The following TRAPPC9 variants were observed in gnomAD, a reference collection of about 807,000 sequenced individuals.
TRAPPC9 encodes the protein IKK2 binding protein.
TRAPPC9 carries 83 observed loss-of-function variants against 124.0 expected under a neutral mutation model. The observed-to-expected ratio is 0.67, with a 90% CI of 0.56 to 0.80. The LOEUF (loss-of-function observed/expected upper bound fraction) is 0.80. Ranked by LOEUF, TRAPPC9 falls within the 30% of genes least tolerant of loss-of-function variation. The pLI is 0.00. For missense variants in TRAPPC9, 1,302 were observed against 1,508.3 expected (o/e 0.86, Z 2.27); for synonymous variants, 638 against 617.5 (o/e 1.03, Z -0.49).
At chr8:139,945,772 T>C (rs1231642931) in intron 19 of TRAPPC9, among the ~76,000 whole-genome samples, 2 of 152,124 alleles carry the variant, frequency 1.3e-5, no homozygotes, top group East Asian at 3.9e-4. Context: ...TGATACAGAG[T>C]ACACATTCGA....
At position 140,182,728 on chromosome 8, in the gene TRAPPC9, T is replaced by G. The variant is rs1006138461; in HGVS notation, c.2556+38731A>C. The stretch of plus-strand genomic sequence containing the variant: ...TTCTAAAAATACAGCCTCTTGGCAA[T>G]CATGACCCTCTTGACCTGGCCTTGA... On this transcript the variant is annotated intron_variant, in intron 17 of 22. Coordinates refer to ENST00000438773, the MANE Select transcript of TRAPPC9 (RefSeq NM_001160372.4). This position sits in a 1 kb window ranked among gnomAD's most constrained non-coding sequence, Gnocchi z 4.0. 5.3e-5 allele frequency among the ~76,000 whole-genome samples: 8 copies of G among 152,160 alleles called. No homozygotes were observed. The highest frequency in any genetic ancestry group is 1.7e-4 in the African/African-American group (7 of 41,434).
intron 10 of TRAPPC9, among the ~76,000 whole-genome samples, chr8:140,303,484 A>C (rs909019127): frequency 6.6e-6 from 1 of 152,226 alleles, no homozygotes; most frequent in Non-Finnish European, 1.5e-5. Context: ...AATTCCATAG[A>C]TAAGGAAAAA....
chr8:139,987,715 G>C (rs1053728203), intron 19 of TRAPPC9, among the ~76,000 whole-genome samples: 2 of 152,176 alleles, frequency 1.3e-5, no homozygotes, highest in African/African-American at 4.8e-5. Flanking sequence ...CCTAGAACCG[G>C]GCTGGGCTTG....
At chr8:140,129,005 T>TATATATATATTA (rs1563783126) in intron 17 of TRAPPC9, among the ~76,000 whole-genome samples, 1 of 134,754 alleles carries the variant, frequency 7.4e-6, no homozygotes, top group Non-Finnish European at 1.6e-5. Flanking sequence ...ATATATATAT[T>TATATATATATTA]AAAAAAAAAA....
chr8:140,269,181 T>A (rs768481480), intron 15 of TRAPPC9, among the ~76,000 whole-genome samples: 103 of 152,140 alleles, frequency 6.8e-4, no homozygotes, highest in Non-Finnish European at 8.8e-4. Context: ...ATGGTACATG[T>A]GCTACAGCAT....
intron 17 of TRAPPC9, among the ~76,000 whole-genome samples, chr8:140,119,109 A>G (rs1412543040): frequency 6.6e-6 from 1 of 152,254 alleles, no homozygotes; most frequent in African/African-American, 2.4e-5. Context: ...TCACAGCAAG[A>G]TAAGGCAAGG....
At chr8:139,849,625 C>G (rs139517262) in intron 21 of TRAPPC9, among the ~76,000 whole-genome samples, 1 of 152,210 alleles carries the variant, frequency 6.6e-6, no homozygotes, top group African/African-American at 2.4e-5. Context: ...TTCAATAATG[C>G]GCCATATGGT....
Position 139,869,561 on chromosome 8 carries a change from T to C in TRAPPC9, c.3055+16318A>G, listed in dbSNP as rs79537254. Among the ~76,000 whole-genome samples the C allele has an allele frequency of 8.8e-3, 1,338 of 152,320 alleles. 23 individuals carry two copies. Among genetic ancestry groups the C allele is most frequent in the African/African-American group, 0.031 (1,270 of 41,564 alleles). On this transcript the variant is annotated intron_variant, in intron 21 of 22. Transcript: ENST00000438773. ...CAAATAAGAAAGGATCTTAAAGAAC[T>C]ACCCCGTATCATTAATAAAGTAGAG...
At chr8:139,979,331 C>T (rs933397167) in intron 19 of TRAPPC9, among the ~76,000 whole-genome samples, 2 of 152,150 alleles carry the variant, frequency 1.3e-5, no homozygotes, top group African/African-American at 2.4e-5. Context: ...GACGCTGCCA[C>T]GGAGCTTCCC....
intron 21 of TRAPPC9, among the ~76,000 whole-genome samples, chr8:139,837,017 AGACCTGGAACAAGGAACAG>A (rs1044577984): frequency 6.6e-6 from 1 of 152,168 alleles, no homozygotes; most frequent in African/African-American, 2.4e-5. Context: ...CTTGCTTGTG[AGACCTGGAACAAGGAACAG>A]GACCTGTACA....
At chr8:140,128,969 T>TAAA (rs139243477) in intron 17 of TRAPPC9, among the ~76,000 whole-genome samples, 1 of 141,258 alleles carries the variant, frequency 7.1e-6, no homozygotes, top group African/African-American at 2.6e-5. Context: ...TAAACTATAA[T>TAAA]AAAATATATA....
At chr8:139,852,948 C>G (rs1451128458) in intron 21 of TRAPPC9, among the ~76,000 whole-genome samples, 1 of 152,198 alleles carries the variant, frequency 6.6e-6, no homozygotes, top group African/African-American at 2.4e-5. Context: ...TTCTGGCCTG[C>G]CCCCTGTCTG....
intron 16 of TRAPPC9, among the ~76,000 whole-genome samples, chr8:140,236,291 C>T (rs1429585674): frequency 1.3e-5 from 2 of 152,148 alleles, no homozygotes; most frequent in Non-Finnish European, 2.9e-5. Context: ...CCATGTTGGC[C>T]AGGCTGGTCT....
intron 19 of TRAPPC9, among the ~76,000 whole-genome samples, chr8:139,959,637 G>A (rs1835243090): frequency 6.6e-6 from 1 of 152,190 alleles, no homozygotes; most frequent in African/African-American, 2.4e-5. Context: ...GGAACAAATG[G>A]AAGCAGAACA....
intron 6 of TRAPPC9, among the ~76,000 whole-genome samples, chr8:140,404,829 T>A (rs2069423558): frequency 6.6e-6 from 1 of 152,062 alleles, no homozygotes. Context: ...TGCATGTGTG[T>A]GAGCATGCGT....
At chr8:139,845,516 G>A (rs970017251) in intron 21 of TRAPPC9, among the ~76,000 whole-genome samples, 1 of 152,244 alleles carries the variant, frequency 6.6e-6, no homozygotes, top group African/African-American at 2.4e-5. Context: ...GGCTTCCCTT[G>A]CAATTGGGTA....
At chr8:140,040,926 C>A (rs111540184) in intron 17 of TRAPPC9, 3 of 152,306 alleles carry the variant, frequency 2.0e-5, no homozygotes, top group African/African-American at 7.2e-5. Context: ...GAGGTGTCCA[C>A]AGAAAGGTGG....
intron 17 of TRAPPC9, among the ~76,000 whole-genome samples, chr8:140,067,030 C>T (rs1842926883): frequency 6.6e-6 from 1 of 152,192 alleles, no homozygotes; most frequent in Non-Finnish European, 1.5e-5. Flanking sequence ...AAACGTATTT[C>T]CTCTGCTTGA....
At chr8:140,300,914 G>C (rs891896780) in intron 10 of TRAPPC9, among the ~76,000 whole-genome samples, 11 of 152,166 alleles carry the variant, frequency 7.2e-5, no homozygotes, top group Middle Eastern at 3.2e-3. Flanking sequence ...TTGAAATCTC[G>C]CTTCACACTT....
Sources: gnomAD v4.1 joint callset for allele counts (sites outside exome capture counted in the v4.1 genomes callset) on GRCh38, gnomAD v4.1.1 for gene constraint, Gnocchi (gnomAD v3.1) non-coding constraint, MANE v1.5 for transcripts, NCBI Gene and HGNC (gene_info 2026-07-23, HGNC 2026-07-21) for gene names.